The following MYOM2 variants were observed in gnomAD, a reference collection of about 807,000 sequenced individuals.
MYOM2 encodes myomesin-2.
MYOM2 carries 254 observed loss-of-function variants against 187.6 expected under a neutral mutation model. The observed-to-expected ratio is 1.35, with a 90% confidence interval of 1.22 to 1.50. The LOEUF is 1.50. Ranked by LOEUF, MYOM2 falls within the 40% of genes most tolerant of loss-of-function variation. MYOM2 has a pLI of 0.00. For missense variants in MYOM2, 2,796 were observed against 1,924.0 expected (o/e 1.45, Z -8.48); for synonymous variants, 981 against 753.8 (o/e 1.30, Z -4.94).
At chr8:2,048,425 C>A (rs969616827) in intron 1 of MYOM2, among the ~76,000 whole-genome samples, 2 of 152,214 alleles carry the variant, frequency 1.3e-5, no homozygotes, top group Non-Finnish European at 2.9e-5. Flanking sequence ...TTGGAAAATC[C>A]CAGTGAGCTG....
At chr8:2,086,546 T>C (rs1316983420) in intron 14 of MYOM2, among the ~76,000 whole-genome samples, 3 of 107,590 alleles carry the variant, frequency 2.8e-5, no homozygotes, top group Non-Finnish European at 6.6e-5. Flanking sequence ...TTGCTGTGTT[T>C]TAAAGATGAC....
chr8:2,135,929 C>G (rs1178359156), intron 32 of MYOM2, among the ~76,000 whole-genome samples: 1 of 152,178 alleles, frequency 6.6e-6, no homozygotes, highest in Non-Finnish European at 1.5e-5. Context: ...GGCGTGGGGT[C>G]TAGGGTGAGA....
intron 4 of MYOM2, 36 bp from the exon 5 acceptor site, chr8:2,057,587 G>A (rs1473139319): frequency 5.6e-6 from 9 of 1,613,338 alleles, no homozygotes; most frequent in Non-Finnish European, 7.6e-6. Context: ...TTGGCTCGCT[G>A]CCTGGGAACC....
At chr8:2,093,886 C>A in intron 16 of MYOM2, 84 bp from the exon 17 acceptor site, 1 of 1,527,718 alleles carries the variant, frequency 6.5e-7, no homozygotes, top group East Asian at 2.3e-5. Flanking sequence ...TTTTTTATGG[C>A]GCGTTCAGGG....
rs192010117 is a variant in MYOM2, at chr8:2,089,966, C to T, written c.1645-42C>T. ...CTCCTCCACACGCCTCTGGGGACCT[C>T]GCGGTTTTCACTGCCAGTCTCGTTT... On this transcript the variant is annotated intron_variant, in intron 14 of 36. Transcript: ENST00000262113. The T allele has an allele frequency of 2.5e-5, 40 of 1,601,708 alleles. No homozygotes were observed. The African/African-American group carries it at 3.4e-4, about 13-fold the overall frequency.
At chr8:2,054,260 G>T (rs1279701464) in intron 3 of MYOM2, among the ~76,000 whole-genome samples, 1 of 152,204 alleles carries the variant, frequency 6.6e-6, no homozygotes, top group African/African-American at 2.4e-5. Context: ...ATACTGAAGA[G>T]ACATTGGCGC....
intron 32 of MYOM2, among the ~76,000 whole-genome samples, chr8:2,137,914 G>A (rs1037469021): frequency 6.6e-6 from 1 of 152,194 alleles, no homozygotes; most frequent in Non-Finnish European, 1.5e-5. Context: ...TCTCTGCACA[G>A]ACGGGCTTCT....
At chr8:2,072,910 T>TA (rs1484074032) in intron 9 of MYOM2, among the ~76,000 whole-genome samples, 1 of 152,218 alleles carries the variant, frequency 6.6e-6, no homozygotes, top group Non-Finnish European at 1.5e-5. Flanking sequence ...ATTTTGTTTT[T>TA]AGAGTTTGAT....
chr8:2,073,236 C>T (rs376428295), intron 9 of MYOM2, 103 bp from the exon 10 acceptor site: 43 of 1,307,526 alleles, frequency 3.3e-5, no homozygotes, highest in African/African-American at 4.4e-5. Flanking sequence ...GTGTCCAGCT[C>T]GACTGTCCTG....
At chr8:2,123,861 G>A (rs556439055) in intron 30 of MYOM2, among the ~76,000 whole-genome samples, 18 of 152,320 alleles carry the variant, frequency 1.2e-4, no homozygotes, top group African/African-American at 2.9e-4. Context: ...TATATGAAAC[G>A]TCATTTCGGT....
intron 27 of MYOM2, 126 bp downstream of exon 27, chr8:2,116,401 G>C (rs1055547354): frequency 4.4e-6 from 4 of 917,418 alleles, no homozygotes; most frequent in Admixed American, 3.1e-5. Context: ...ATGATTAAGA[G>C]GTTAGGCTTA....
intron 18 of MYOM2, among the ~76,000 whole-genome samples, chr8:2,097,673 C>A (rs1187167388): frequency 6.6e-6 from 1 of 152,128 alleles, no homozygotes; most frequent in South Asian, 2.1e-4. Flanking sequence ...CACCACCACG[C>A]CCGGCTAATT....
At chr8:2,115,673 TTCACGTTAGTA>T (rs1797216202) in intron 25 of MYOM2, among the ~76,000 whole-genome samples, 1 of 152,244 alleles carries the variant, frequency 6.6e-6, no homozygotes, top group African/African-American at 2.4e-5. Context: ...TTTTATCTGC[TTCACGTTAGTA>T]ACTCATTCTT....
intron 14 of MYOM2, 131 bp from the exon 15 acceptor site, chr8:2,089,877 T>G: frequency 1.5e-6 from 1 of 677,840 alleles, no homozygotes; most frequent in Non-Finnish European, 2.4e-6. Flanking sequence ...TGACCATCCT[T>G]TGTGTGCGAG....
At chr8:2,125,938 T>C (rs150522580) in intron 31 of MYOM2, among the ~76,000 whole-genome samples, 1 of 151,994 alleles carries the variant, frequency 6.6e-6, no homozygotes, top group Non-Finnish European at 1.5e-5. Context: ...TCTATTTCTG[T>C]GAAAAACAAC....
chr8:2,121,097 T>C (rs1252692829), intron 28 of MYOM2, among the ~76,000 whole-genome samples: 1 of 152,162 alleles, frequency 6.6e-6, no homozygotes. Flanking sequence ...TGACTGATGA[T>C]AGCCTGTGTA....
At chr8:2,075,841 T>C (rs955890858) in intron 10 of MYOM2, among the ~76,000 whole-genome samples, 10 of 152,236 alleles carry the variant, frequency 6.6e-5, no homozygotes, top group Non-Finnish European at 1.3e-4. Context: ...AACGTGCCGT[T>C]ATGCACCATA....
intron 31 of MYOM2, among the ~76,000 whole-genome samples, chr8:2,126,932 G>C (rs573721573): frequency 6.7e-6 from 1 of 148,416 alleles, no homozygotes; most frequent in Admixed American, 6.7e-5. Flanking sequence ...GGCAGATAGA[G>C]GCTGGAGGAG....
At chr8:2,137,615 AAC>A (rs1187071690) in intron 32 of MYOM2, among the ~76,000 whole-genome samples, 1 of 151,944 alleles carries the variant, frequency 6.6e-6, no homozygotes, top group African/African-American at 2.4e-5. Flanking sequence ...CATCAGTTCC[AAC>A]AAGAGAGGGT....
Sources: gnomAD v4.1 joint callset for allele counts (sites outside exome capture counted in the v4.1 genomes callset) on GRCh38, gnomAD v4.1.1 for gene constraint, MANE v1.5 for transcripts, NCBI Gene and HGNC (gene_info 2026-07-23, HGNC 2026-07-21) for gene names.